The following SRPK1 variants were observed in gnomAD, a reference collection of about 807,000 sequenced individuals.
SRPK1 encodes SFRS protein kinase 1.
In SRPK1, 52 loss-of-function variants were observed where a neutral mutation model predicts 89.5. That is an observed-to-expected ratio of 0.58 (90% CI 0.46 to 0.73). The LOEUF (loss-of-function observed/expected upper bound fraction) is 0.73. Among genes scored for constraint, SRPK1 ranks in the 30% least tolerant of loss-of-function variants. The pLI, the probability that SRPK1 is intolerant of heterozygous loss-of-function variation, is 0.00. For synonymous variants in SRPK1, 255 were observed against 270.2 expected, an observed-to-expected ratio of 0.94 and a Z score of 0.55; for missense variants, 603 against 780.6, an observed-to-expected ratio of 0.77 and a Z score of 2.71.
chr6:35,854,409 TC>T (rs1454985713), intron 13 of SRPK1, among the ~76,000 whole-genome samples: 2 of 152,204 alleles, frequency 1.3e-5, no homozygotes, highest in African/African-American at 4.8e-5. Context: ...TTCAGGCACT[TC>T]CGATATTCCA....
intron 12 of SRPK1, among the ~76,000 whole-genome samples, chr6:35,863,763 A>G (rs61208751): frequency 0.064 from 9,722 of 152,216 alleles, 924 homozygotes; most frequent in African/African-American, 0.21. Context: ...TCTTTCTTCA[A>G]TCAGAAAGAA....
At chr6:35,920,609 G>T in intron 1 of SRPK1, 81 bp from the exon 2 acceptor site, 3 of 1,280,734 alleles carry the variant, frequency 2.3e-6, no homozygotes, top group Non-Finnish European at 3.2e-6. Context: ...CAGCAGGGGC[G>T]CCAGGCCCGG....
In SRPK1 at chr6:35,833,198, AT is replaced by A. The variant is rs1375741501; in HGVS notation, c.*2105del. Reference sequence around the variant, plus strand: ...TTTGACAGTATTATAATTAAGCTCAATAAAGGTACATGGGGTACCTGGAAGA... The same window carrying A: ...TTTGACAGTATTATAATTAAGCTCAAAAAGGTACATGGGGTACCTGGAAGA... On this transcript the variant is annotated 3_prime_UTR_variant, in exon 16 of 16. Coordinates refer to ENST00000373825, the MANE Select transcript of SRPK1 (RefSeq NM_003137.5). The A allele has an allele frequency of 3.9e-5, 6 of 152,676 alleles. No individual in the cohort carries two copies. Among genetic ancestry groups the A allele is most frequent in the Non-Finnish European group, 8.8e-5 (6 of 68,046 alleles). The allele number at this position is 152,676 out of a possible 1,614,324, so 9.5% of individuals were successfully genotyped here. A position where few individuals can be genotyped will look rare whatever the true frequency, so the allele number is the denominator to read the frequency against.
intron 6 of SRPK1, among the ~76,000 whole-genome samples, chr6:35,885,329 A>AGAGAGAGAGAGC (rs1275804013): frequency 6.8e-6 from 1 of 146,768 alleles, no homozygotes; most frequent in African/African-American, 2.5e-5. Context: ...AGAGAGAGAG[A>AGAGAGAGAGAGC]GCCATCTACA....
At chr6:35,896,583 T>C (rs1397305477) in intron 2 of SRPK1, among the ~76,000 whole-genome samples, 1 of 152,208 alleles carries the variant, frequency 6.6e-6, no homozygotes, top group African/African-American at 2.4e-5. Context: ...GCAATTCCAC[T>C]TCTAGGTATT....
Position 35,873,437 on chromosome 6 carries a change from G to A in SRPK1, c.586-709C>T, listed in dbSNP as rs1233453640. On this transcript the variant is annotated intron_variant, in intron 7 of 15. Coordinates refer to ENST00000373825, the MANE Select transcript of SRPK1 (RefSeq NM_003137.5). ...GGTTATGCTAAAACATTTAAAAAGA[G>A]AATAAGCACAATAAATTCTAAAGGT... Among the ~76,000 whole-genome samples, 3 of 152,046 alleles carry A rather than the reference G, an allele frequency of 2.0e-5. No individual in the cohort carries two copies. In the East Asian group the frequency reaches 5.8e-4, roughly 29 times the overall value.
chr6:35,891,503 T>A (rs565005813), intron 2 of SRPK1, among the ~76,000 whole-genome samples: 1 of 152,254 alleles, frequency 6.6e-6, no homozygotes, highest in South Asian at 2.1e-4. Context: ...GTGGATCACC[T>A]GAGGTCAGGA....
intron 6 of SRPK1, among the ~76,000 whole-genome samples, chr6:35,880,995 A>G (rs943191026): frequency 2.6e-5 from 4 of 152,160 alleles, no homozygotes; most frequent in African/African-American, 9.6e-5. Context: ...GATTATCAGC[A>G]AGTTTCTCAT....
intron 5 of SRPK1, 41 bp downstream of exon 5, chr6:35,887,983 T>C: frequency 9.3e-6 from 13 of 1,390,596 alleles, no homozygotes; most frequent in Non-Finnish European, 1.2e-5. Flanking sequence ...ACTTGATTTA[T>C]TTATAATTCT....
rs1320925772 is a variant in SRPK1, at chr6:35,834,339, A to C, written c.*965T>G. Reference sequence around the variant, plus strand: ...GGGTAAGGTAAAGAAAAAGCTGTACATGAAAGCAGGGGACTGTTTGGAAAA... The same window carrying C: ...GGGTAAGGTAAAGAAAAAGCTGTACCTGAAAGCAGGGGACTGTTTGGAAAA... On this transcript the variant is annotated 3_prime_UTR_variant, in exon 16 of 16. Transcript: ENST00000373825. 6.6e-5 allele frequency: 10 copies of C among 152,324 alleles called. No homozygotes were observed. Among genetic ancestry groups the C allele is most frequent in the Non-Finnish European group, 2.9e-5 (2 of 68,034 alleles). 9.4% of individuals were successfully genotyped at this position (152,324 alleles called of 1,614,324 possible). A position where few individuals can be genotyped will look rare whatever the true frequency, so the allele number is the denominator to read the frequency against.
intron 2 of SRPK1, among the ~76,000 whole-genome samples, chr6:35,902,796 CTTCT>C (rs1195550288): frequency 1.3e-5 from 2 of 152,166 alleles, no homozygotes; most frequent in Non-Finnish European, 2.9e-5. Flanking sequence ...CCACTGCATT[CTTCT>C]TTCTAGTAAA....
chr6:35,911,970 T>C (rs1039423751), intron 2 of SRPK1, among the ~76,000 whole-genome samples: 2 of 151,968 alleles, frequency 1.3e-5, no homozygotes, highest in African/African-American at 4.8e-5. Context: ...CAAACTTCAT[T>C]GTTTAAGAAA....
chr6:35,877,609 G>A (rs576588777), intron 6 of SRPK1, among the ~76,000 whole-genome samples: 20 of 152,236 alleles, frequency 1.3e-4, no homozygotes, highest in African/African-American at 2.9e-4. Flanking sequence ...TTGGGAGGCC[G>A]AGGTGGGCGG....
At chr6:35,872,807 T>TAAA in intron 7 of SRPK1, 79 bp from the exon 8 acceptor site, 17 of 993,230 alleles carry the variant, frequency 1.7e-5, no homozygotes, top group South Asian at 4.3e-5. Flanking sequence ...AACATGACAT[T>TAAA]AAAAAAAAAA....
At chr6:35,855,728 T>C (rs185471543) in intron 13 of SRPK1, among the ~76,000 whole-genome samples, 1 of 152,220 alleles carries the variant, frequency 6.6e-6, no homozygotes, top group East Asian at 1.9e-4. Context: ...AAGTGACTCA[T>C]GTTGGGGCCC....
chr6:35,884,452 G>T (rs1049093339), intron 6 of SRPK1, among the ~76,000 whole-genome samples: 1 of 152,220 alleles, frequency 6.6e-6, no homozygotes, highest in African/African-American at 2.4e-5. Flanking sequence ...TGGATGTACT[G>T]CTCTGTGTGG....
chr6:35,838,863 G>A, intron 14 of SRPK1: 1 of 1,336,428 alleles, frequency 7.5e-7, no homozygotes. Flanking sequence ...TCTATGAATA[G>A]CTTTTTCAAG....
At position 35,890,892 on chromosome 6, in the gene SRPK1, T is replaced by G. The variant is rs377546451; in HGVS notation, c.193+3A>C. The G allele has an allele frequency of 3.2e-6, 5 of 1,547,334 alleles. No homozygotes were observed. In the South Asian group the frequency reaches 6.0e-5, roughly 19 times the overall value. On this transcript the variant is annotated splice_donor_region_variant and intron_variant, in intron 3 of 15. Transcript: ENST00000373825. ...CTCACTTCATACCTCTTTATGAACT[T>G]ACCTTTACAATAATCATTAGGATCT... is the stretch of plus-strand genomic sequence containing the variant.
rs1276672274 is a variant in SRPK1, at chr6:35,885,298, C to CACAGAG, written c.478+1425_478+1426insCTCTGT. On this transcript the variant is annotated intron_variant, in intron 6 of 15. Coordinates refer to ENST00000373825, the MANE Select transcript of SRPK1 (RefSeq NM_003137.5). Reference sequence around the variant, plus strand: ...ACACACACACACACACACACACACACAGAGAGAGAGAGAGAGAGAGAGAGA... The same window carrying CACAGAG: ...ACACACACACACACACACACACACACACAGAGAGAGAGAGAGAGAGAGAGAGAGAGA... Among the ~76,000 whole-genome samples, 517 of 113,144 alleles carry CACAGAG rather than the reference C, an allele frequency of 4.6e-3. 6 individuals carry two copies. Among genetic ancestry groups the CACAGAG allele is most frequent in the Admixed American group, 6.5e-3 (73 of 11,286 alleles). 74.2% of individuals were successfully genotyped at this position (113,144 alleles called of 152,430 possible).
Sources: allele counts gnomAD v4.1 joint callset (sites outside exome capture counted in the v4.1 genomes callset), GRCh38; gene constraint gnomAD v4.1.1; transcripts MANE v1.5; gene names NCBI Gene and HGNC (gene_info 2026-07-23, HGNC 2026-07-21).